ASH1L: variants seen among roughly 807,000 people sequenced by gnomAD.
ASH1L encodes histone-lysine N-methyltransferase ASH1L.
ASH1L carries 23 observed loss-of-function variants against 269.0 expected under a neutral mutation model. The observed-to-expected ratio is 0.09, with a 90% CI of 0.06 to 0.12. ASH1L has a LOEUF of 0.12. ASH1L is among the 10% of genes least tolerant of loss of function. ASH1L has a pLI of 1.00. For missense variants in ASH1L, 2,912 were observed against 3,567.8 expected (o/e 0.82, Z 4.68); for synonymous variants, 1,187 against 1,253.5 (o/e 0.95, Z 1.12).
intron 1 of ASH1L, among the ~76,000 whole-genome samples, chr1:155,542,410 G>A (rs913246670): frequency 3.3e-5 from 5 of 151,912 alleles, no homozygotes; most frequent in East Asian, 2.0e-4. Flanking sequence ...TTAGCCAGGC[G>A]TGGTGGTGGG....
chr1:155,349,958 T>C (rs1345846279), intron 17 of ASH1L, among the ~76,000 whole-genome samples: 4 of 142,578 alleles, frequency 2.8e-5, no homozygotes, highest in Non-Finnish European at 6.2e-5. Flanking sequence ...GGCGTGATCT[T>C]TGCTCACTGC....
intron 6 of ASH1L, among the ~76,000 whole-genome samples, chr1:155,415,381 CAA>C (rs371008148): frequency 1.0e-4 from 6 of 57,648 alleles, no homozygotes; most frequent in Non-Finnish European, 8.0e-5. Context: ...GACTCCGTCT[CAA>C]AAAAAAAAAA....
At chr1:155,370,396 G>T in intron 12 of ASH1L, 108 bp downstream of exon 12, 1 of 1,450,110 alleles carries the variant, frequency 6.9e-7, no homozygotes, top group Non-Finnish European at 9.5e-7. Flanking sequence ...ATGGGGAACA[G>T]CCTGAGCTGC....
chr1:155,461,345 G>T (rs1664285506), intron 3 of ASH1L, among the ~76,000 whole-genome samples: 1 of 151,978 alleles, frequency 6.6e-6, no homozygotes, highest in Admixed American at 6.6e-5. Context: ...GCTCAGGTGA[G>T]ATGTAAGACT....
In ASH1L at chr1:155,471,377, A is replaced by G. The variant is rs185807916; in HGVS notation, c.4984+6509T>C. Among the ~76,000 whole-genome samples, 96 of 152,378 alleles carry G rather than the reference A, an allele frequency of 6.3e-4. No homozygotes were observed. The East Asian group carries it at 0.013, about 20-fold the overall frequency. ...CCGGTGACCAGAAAGACCAAATCAC[A>G]TAATTAAAAATCTGAAACTTTGGGT... On this transcript the variant is annotated intron_variant, in intron 3 of 27. Transcript: ENST00000392403.
At chr1:155,547,498 C>T (rs929364018) in intron 1 of ASH1L, among the ~76,000 whole-genome samples, 2 of 151,782 alleles carry the variant, frequency 1.3e-5, no homozygotes, top group Non-Finnish European at 2.9e-5. Flanking sequence ...CTGAGGCAGG[C>T]AGATCACCTG....
chr1:155,384,823 G>A lies in ASH1L; in HGVS notation c.6104-4707C>T, dbSNP rs183253161. The stretch of plus-strand genomic sequence containing the variant: ...TTCTGTCTCCTGCCAAATTTGGTAA[G>A]TTTCCAGTTGTTATTTACTAAGGTG... On this transcript the variant is annotated intron_variant, in intron 7 of 27. Transcript: ENST00000392403. Among the ~76,000 whole-genome samples, 3 of 152,220 alleles carry A rather than the reference G, an allele frequency of 2.0e-5. No homozygotes were observed. The East Asian group carries it at 5.8e-4, about 29-fold the overall frequency.
intron 20 of ASH1L, 84 bp from the exon 21 acceptor site, chr1:155,346,553 A>G: frequency 8.9e-7 from 1 of 1,128,694 alleles, no homozygotes; most frequent in East Asian, 2.4e-5. Flanking sequence ...AAAATTAGCA[A>G]TAGGTCAGGG....
At chr1:155,339,481 CTT>C in intron 25 of ASH1L, 113 bp from the exon 26 acceptor site, 1 of 858,846 alleles carries the variant, frequency 1.2e-6, no homozygotes, top group South Asian at 1.7e-5. Flanking sequence ...AGTTGGGTGA[CTT>C]TGTTTTAAGA....
intron 4 of ASH1L, among the ~76,000 whole-genome samples, chr1:155,454,709 A>C (rs777420892): frequency 6.6e-6 from 1 of 152,216 alleles, no homozygotes; most frequent in Non-Finnish European, 1.5e-5. Flanking sequence ...TGGAGGTTGC[A>C]GTGAGCTGAG....
At chr1:155,382,672 G>A (rs2148451072) in intron 7 of ASH1L, among the ~76,000 whole-genome samples, 1 of 151,972 alleles carries the variant, frequency 6.6e-6, no homozygotes, top group Middle Eastern at 3.5e-3. Flanking sequence ...AGAAAACAGT[G>A]ATATTGATGA....
At chr1:155,356,101 C>T (rs942495432) in intron 15 of ASH1L, among the ~76,000 whole-genome samples, 1 of 151,802 alleles carries the variant, frequency 6.6e-6, no homozygotes, top group Non-Finnish European at 1.5e-5. Context: ...CCATGCCTGG[C>T]TAATTTTGTA....
At position 155,521,369 on chromosome 1, in the gene ASH1L, T is replaced by G; in HGVS notation, c.151A>C (p.Lys51Gln). 2 of 1,614,210 alleles carry G rather than the reference T, an allele frequency of 1.2e-6. No individual in the cohort carries two copies. The highest frequency in any genetic ancestry group is 1.1e-5 in the South Asian group (1 of 91,090). Residue 51 changes from lysine (K) to glutamine (Q), a missense_variant, in exon 2 of 28, where the codon AAA becomes CAA. This residue lies in a region of ASH1L where 115 missense variants were observed against 101.5 expected (regional missense o/e 1.13). Transcript: ENST00000392403. ...TCGATGTTTCTTTCTCGATTCCGTT[T>G]GCGAAGGTCCTCTTCCTCCTTTGTG... ...KNTKEEEDLR[K>Q]RNRERNIEAG...
intron 6 of ASH1L, among the ~76,000 whole-genome samples, chr1:155,397,484 C>A (rs946976382): frequency 6.8e-6 from 1 of 146,328 alleles, no homozygotes; most frequent in African/African-American, 2.5e-5. Context: ...ACAACAAGAG[C>A]GAAACTCTGT....
At chr1:155,524,521 C>CAAAA (rs749990170) in intron 1 of ASH1L, among the ~76,000 whole-genome samples, 1 of 57,280 alleles carries the variant, frequency 1.7e-5, no homozygotes, top group Admixed American at 2.1e-4. Context: ...GACTCCGTCT[C>CAAAA]AAAAAAAAAA....
At chr1:155,542,343 A>C (rs1309220114) in intron 1 of ASH1L, among the ~76,000 whole-genome samples, 3 of 152,022 alleles carry the variant, frequency 2.0e-5, no homozygotes, top group African/African-American at 7.2e-5. Context: ...AGGTCAGGAG[A>C]TCGAGACCAT....
chr1:155,359,120 A>G (rs970857484), intron 13 of ASH1L, among the ~76,000 whole-genome samples: 1 of 152,100 alleles, frequency 6.6e-6, no homozygotes, highest in Non-Finnish European at 1.5e-5. Flanking sequence ...ATCCTGTCTT[A>G]ATAACAAAAA....
At chr1:155,357,846 C>T (rs528523530) in intron 13 of ASH1L, 97 bp from the exon 14 acceptor site, 371 of 1,218,682 alleles carry the variant, frequency 3.0e-4, no homozygotes, top group Non-Finnish European at 3.9e-4. Context: ...TCATGGCTCA[C>T]TGCAGTCTCA....
chr1:155,549,552 G>C (rs1241804965), intron 1 of ASH1L, among the ~76,000 whole-genome samples: 1 of 150,328 alleles, frequency 6.7e-6, no homozygotes, highest in Non-Finnish European at 1.5e-5. Context: ...TTGAACCCAG[G>C]AAGCGGAGGT....
Sources: gnomAD v4.1 joint callset for allele counts (sites outside exome capture counted in the v4.1 genomes callset) on GRCh38, gnomAD v4.1.1 for gene constraint, gnomAD v4.1.1 regional missense constraint, MANE v1.5 for transcripts, NCBI Gene and HGNC (gene_info 2026-07-23, HGNC 2026-07-21) for gene names.